GRAP2: variants seen among roughly 807,000 people sequenced by gnomAD.
GRAP2 encodes GRB2 related adaptor protein 2, also known as GRB2-related adapter protein 2.
Under a neutral mutation model 43.5 loss-of-function variants are expected in GRAP2, and 31 were observed. The ratio of observed to expected loss-of-function variants is 0.71; its 90% CI spans 0.54 to 0.96. The LOEUF is 0.96. Among genes scored for constraint, GRAP2 ranks in the 40% least tolerant of loss-of-function variants. GRAP2 has a pLI of 0.00. For missense variants in GRAP2, 371 were observed against 424.4 expected, an observed-to-expected ratio of 0.87 and a Z score of 1.11; for synonymous variants, 156 against 164.8, an observed-to-expected ratio of 0.95 and a Z score of 0.41.
intron 1 of GRAP2, among the ~76,000 whole-genome samples, chr22:39,923,988 C>CGTAT (rs1390396770): frequency 6.6e-6 from 1 of 152,162 alleles, no homozygotes; most frequent in African/African-American, 2.4e-5. Context: ...TGCTCACTGG[C>CGTAT]GTATGTACCA....
chr22:39,957,433 G>A (rs1896427193), intron 3 of GRAP2, among the ~76,000 whole-genome samples: 2 of 151,912 alleles, frequency 1.3e-5, no homozygotes, highest in Non-Finnish European at 2.9e-5. Flanking sequence ...CTCCCCCACC[G>A]CATCCACCTG....
chr22:39,928,694 G>C lies in GRAP2; in HGVS notation c.-14-18399G>C, dbSNP rs116454413. On this transcript the variant is annotated intron_variant, in intron 1 of 7. Coordinates refer to ENST00000344138, the MANE Select transcript of GRAP2 (RefSeq NM_004810.4). The stretch of plus-strand genomic sequence containing the variant: ...TGAAGTAGCCATTTACCAAGAGATA[G>C]TGCGATGTCATAAACCGAACATGAG... 9.5e-3 allele frequency among the ~76,000 whole-genome samples: 1,453 copies of C among 152,294 alleles called. 18 individuals carry two copies. The highest frequency in any genetic ancestry group is 0.032 in the African/African-American group (1,343 of 41,540).
intron 1 of GRAP2, among the ~76,000 whole-genome samples, chr22:39,902,061 G>A (rs895531133): frequency 1.3e-5 from 2 of 152,138 alleles, no homozygotes; most frequent in South Asian, 2.1e-4. Context: ...AAAATTTACC[G>A]TATTTATCTA....
intron 1 of GRAP2, among the ~76,000 whole-genome samples, chr22:39,916,933 A>G (rs114707010): frequency 1.4e-3 from 216 of 152,294 alleles, no homozygotes; most frequent in African/African-American, 5.0e-3. Flanking sequence ...GTACATAATA[A>G]GTACTCAATA....
intron 3 of GRAP2, among the ~76,000 whole-genome samples, chr22:39,956,755 C>G (rs547600650): frequency 6.6e-6 from 1 of 152,308 alleles, no homozygotes; most frequent in Admixed American, 6.5e-5. Context: ...AGGTGTGAGC[C>G]ACTGCACCCG....
chr22:39,920,415 AG>A (rs1277271005), intron 1 of GRAP2, among the ~76,000 whole-genome samples: 2 of 152,302 alleles, frequency 1.3e-5, no homozygotes, highest in Admixed American at 6.5e-5. Context: ...CAACCTGAAA[AG>A]TCTGGTGACT....
At chr22:39,926,928 C>A in intron 1 of GRAP2, 1 of 800,972 alleles carries the variant, frequency 1.2e-6, no homozygotes, top group Non-Finnish European at 1.5e-6. Context: ...AAGCTGCCAC[C>A]CACTGCCTGG....
At position 39,967,984 on chromosome 22, in the gene GRAP2, T is replaced by C. The variant is rs1004035944; in HGVS notation, c.460-58T>C. The stretch of plus-strand genomic sequence containing the variant: ...TGGGAACAACTGCCCGAGGGTAGGG[T>C]AGGGCCAGACGATCAGAGAGGAGGA... On this transcript the variant is annotated intron_variant, in intron 5 of 7. Coordinates refer to ENST00000344138, the MANE Select transcript of GRAP2 (RefSeq NM_004810.4). The C allele has an allele frequency of 4.5e-6, 7 of 1,571,102 alleles. No homozygotes were observed. In the African/African-American group the frequency reaches 9.4e-5, roughly 21 times the overall value.
At chr22:39,950,152 C>T (rs1309697300) in intron 2 of GRAP2, among the ~76,000 whole-genome samples, 2 of 152,094 alleles carry the variant, frequency 1.3e-5, no homozygotes, top group African/African-American at 4.8e-5. Flanking sequence ...TCTGATTGCC[C>T]CTCTCCTACA....
At chr22:39,922,678 A>T (rs1016509375) in intron 1 of GRAP2, among the ~76,000 whole-genome samples, 2 of 152,212 alleles carry the variant, frequency 1.3e-5, no homozygotes, top group African/African-American at 4.8e-5. Flanking sequence ...GAGAAGTAGG[A>T]TGCCAGGGTT....
chr22:39,964,544 G>T, intron 4 of GRAP2: 5 of 848,934 alleles, frequency 5.9e-6, no homozygotes, highest in Non-Finnish European at 1.0e-5. Context: ...GCCACAGGTG[G>T]AATTAAGAAA....
upstream of GRAP2, among the ~76,000 whole-genome samples, chr22:39,898,836 A>G (rs2066475617): frequency 6.6e-6 from 1 of 152,186 alleles, no homozygotes; most frequent in South Asian, 2.1e-4. Context: ...AAAACAAAAA[A>G]CAAAACAAAA....
intron 1 of GRAP2, among the ~76,000 whole-genome samples, chr22:39,937,829 C>T (rs1035081106): frequency 6.6e-6 from 1 of 152,116 alleles, no homozygotes; most frequent in Non-Finnish European, 1.5e-5. Context: ...CTGAGGTAGG[C>T]AAGCCTCGCC....
intron 7 of GRAP2, among the ~76,000 whole-genome samples, chr22:39,970,399 G>A (rs927498588): frequency 6.6e-6 from 1 of 152,136 alleles, no homozygotes; most frequent in South Asian, 2.1e-4. Flanking sequence ...ATCTTGACTT[G>A]TGACTTGATT....
At chr22:39,928,560 G>A (rs1471166248) in intron 1 of GRAP2, among the ~76,000 whole-genome samples, 1 of 152,246 alleles carries the variant, frequency 6.6e-6, no homozygotes, top group East Asian at 1.9e-4. Flanking sequence ...GGAGCCTACT[G>A]TGTTGGGTGC....
intron 1 of GRAP2, chr22:39,926,921 C>A: frequency 1.2e-6 from 1 of 812,730 alleles, no homozygotes; most frequent in Non-Finnish European, 1.5e-6. Flanking sequence ...GAGGCAGAAG[C>A]TGCCACCCAC....
chr22:39,967,939 G>A, intron 5 of GRAP2, 103 bp from the exon 6 acceptor site: 2 of 1,426,522 alleles, frequency 1.4e-6, no homozygotes, highest in South Asian at 1.5e-5. Flanking sequence ...GCTATTTCTT[G>A]GAGCCAGATG....
At chr22:39,933,818 G>A (rs1460594917) in intron 1 of GRAP2, among the ~76,000 whole-genome samples, 1 of 151,074 alleles carries the variant, frequency 6.6e-6, no homozygotes, top group Non-Finnish European at 1.5e-5. Context: ...TCCAACCTGA[G>A]CAACAGAGCG....
intron 1 of GRAP2, among the ~76,000 whole-genome samples, chr22:39,943,388 G>T (rs1478335095): frequency 1.3e-5 from 2 of 151,826 alleles, no homozygotes; most frequent in African/African-American, 4.8e-5. Flanking sequence ...GCAGTCCTGT[G>T]TGGCATTACC....
Sources: gnomAD v4.1 joint callset for allele counts (sites outside exome capture counted in the v4.1 genomes callset) on GRCh38, gnomAD v4.1.1 for gene constraint, MANE v1.5 for transcripts, NCBI Gene and HGNC (gene_info 2026-07-23, HGNC 2026-07-21) for gene names.